FIBCD1: variants seen among roughly 807,000 people sequenced by gnomAD.
FIBCD1 encodes the protein fibrinogen C domain-containing protein 1.
Under a neutral mutation model 45.1 loss-of-function variants are expected in FIBCD1, and 47 were observed. The ratio of observed to expected loss-of-function variants is 1.04; its 90% CI spans 0.82 to 1.33. The LOEUF (loss-of-function observed/expected upper bound fraction) is 1.33. FIBCD1 is among the 40% of genes most tolerant of loss of function. FIBCD1 has a pLI of 0.00. For synonymous variants in FIBCD1, 313 were observed against 308.1 expected (o/e 1.02, Z -0.17); for missense variants, 653 against 682.2 (o/e 0.96, Z 0.48).
Position 130,926,936 on chromosome 9 carries a change from A to T in FIBCD1, c.553-2540T>A, listed in dbSNP as rs1832371851. On this transcript the variant is annotated intron_variant, in intron 2 of 6. Coordinates refer to ENST00000372338, the MANE Select transcript of FIBCD1 (RefSeq NM_032843.5). This position sits in a 1 kb window ranked among gnomAD's most constrained non-coding sequence, Gnocchi z 4.1. ...TAACGCGGAGCCCAGCACATGGTAT[A>T]GGCCTATCACTCCTACCAGAAAAGG... Among the ~76,000 whole-genome samples the T allele has an allele frequency of 6.6e-6, 1 of 152,206 alleles. No individual in the cohort carries two copies. The highest frequency in any genetic ancestry group is 2.1e-4 in the South Asian group (1 of 4,830).
chr9:130,917,707 C>A (rs575680535), intron 4 of FIBCD1, among the ~76,000 whole-genome samples: 3 of 152,306 alleles, frequency 2.0e-5, no homozygotes, highest in Non-Finnish European at 2.9e-5. Context: ...TCTGTGGTCA[C>A]CCTAGCACCC....
chr9:130,910,315 C>G lies in FIBCD1; in HGVS notation c.946+1477G>C, dbSNP rs943120563. Among the ~76,000 whole-genome samples, 97 of 152,214 alleles carry G rather than the reference C, an allele frequency of 6.4e-4. 1 individual carries two copies. The highest frequency in any genetic ancestry group is 4.6e-4 in the Admixed American group (7 of 15,290). ...GGGTCCCCCAGCAGTGCCAGCCCACCGGCGCTGCACTCGATTTCTCACCGG... is the reference window on the plus strand; with the variant it reads ...GGGTCCCCCAGCAGTGCCAGCCCACGGGCGCTGCACTCGATTTCTCACCGG... On this transcript the variant is annotated intron_variant, in intron 5 of 6. Transcript: ENST00000372338.
chr9:130,920,449 T>A (rs1832243255), intron 4 of FIBCD1, among the ~76,000 whole-genome samples: 1 of 151,984 alleles, frequency 6.6e-6, no homozygotes, highest in Non-Finnish European at 1.5e-5. Flanking sequence ...ATTTTACAGA[T>A]GAGAAAAGCG....
In FIBCD1 at chr9:130,926,085, T is replaced by C. The variant is rs574703441; in HGVS notation, c.553-1689A>G. ...GCAGCATCCTGTAGACGAGCTCCAC[T>C]GGGCACGCCCCACAGAGGGACACAG... On this transcript the variant is annotated intron_variant, in intron 2 of 6. Coordinates refer to ENST00000372338, the MANE Select transcript of FIBCD1 (RefSeq NM_032843.5). This position sits in a 1 kb window ranked among gnomAD's most constrained non-coding sequence, Gnocchi z 4.1. Among the ~76,000 whole-genome samples the C allele has an allele frequency of 2.6e-5, 4 of 152,168 alleles. No individual in the cohort carries two copies. The highest frequency in any genetic ancestry group is 4.4e-5 in the Non-Finnish European group (3 of 67,984).
At chr9:130,912,315 A>C (rs1232082215) in intron 4 of FIBCD1, among the ~76,000 whole-genome samples, 1 of 147,824 alleles carries the variant, frequency 6.8e-6, no homozygotes, top group Non-Finnish European at 1.5e-5. Flanking sequence ...CTGAGGCAGA[A>C]GGATCCCTTG....
At chr9:130,939,575 C>T (rs952688085), upstream of FIBCD1, among the ~76,000 whole-genome samples, 5 of 152,030 alleles carry the variant, frequency 3.3e-5, no homozygotes, top group Non-Finnish European at 7.4e-5. Context: ...CCGGGCGGCC[C>T]GTGGGCGAAA....
At chr9:130,928,455 T>C (rs1832391901) in intron 2 of FIBCD1, among the ~76,000 whole-genome samples, 1 of 152,176 alleles carries the variant, frequency 6.6e-6, no homozygotes, top group African/African-American at 2.4e-5. Context: ...CCTGGGGAAG[T>C]TGCACATGGA....
Position 130,938,694 on chromosome 9 carries a change from G to GC in FIBCD1, c.-88_-87insG. Reference sequence around the variant, plus strand: ...GGGGTGGGCGCGGGCGCGGGCGCGGGGCGCGCTCTGTCCGCCGGGTCCCCG... The same window carrying GC: ...GGGGTGGGCGCGGGCGCGGGCGCGGGCGCGCGCTCTGTCCGCCGGGTCCCCG... On this transcript the variant is annotated 5_prime_UTR_variant, in exon 1 of 7. Coordinates refer to ENST00000372338, the MANE Select transcript of FIBCD1 (RefSeq NM_032843.5). 3.4e-6 allele frequency: 3 copies of GC among 872,672 alleles called. No individual in the cohort carries two copies. Among genetic ancestry groups the GC allele is most frequent in the Non-Finnish European group, 4.4e-6 (3 of 683,278 alleles). The allele number at this position is 872,672 out of a possible 1,614,324, so 54.1% of individuals were successfully genotyped here. A position where few individuals can be genotyped will look rare whatever the true frequency, so the allele number is the denominator to read the frequency against.
At chr9:130,911,172 C>A (rs1010433652) in intron 5 of FIBCD1, among the ~76,000 whole-genome samples, 1 of 152,220 alleles carries the variant, frequency 6.6e-6, no homozygotes, top group Admixed American at 6.5e-5. Flanking sequence ...CCGTGAAGGT[C>A]TGCAGTTTCA....
intron 5 of FIBCD1, among the ~76,000 whole-genome samples, chr9:130,906,238 C>A (rs1012106407): frequency 1.3e-5 from 2 of 152,192 alleles, no homozygotes; most frequent in Non-Finnish European, 1.5e-5. Context: ...CATACACATA[C>A]GTGCTCAGAC....
At chr9:130,919,625 G>A (rs7031196) in intron 4 of FIBCD1, among the ~76,000 whole-genome samples, 1 of 152,056 alleles carries the variant, frequency 6.6e-6, no homozygotes, top group Non-Finnish European at 1.5e-5. Flanking sequence ...GAGCTCAGGT[G>A]GGGGGATGTG....
chr9:130,930,023 C>G lies in FIBCD1; in HGVS notation c.96G>C (p.Leu32=). 1 of 1,509,226 alleles carries G rather than the reference C, an allele frequency of 6.6e-7. No homozygotes were observed. Among genetic ancestry groups the G allele is most frequent in the Non-Finnish European group, 8.9e-7 (1 of 1,129,824 alleles). The allele number at this position is 1,509,226 out of a possible 1,614,324, so 93.5% of individuals were successfully genotyped here. The change falls in exon 2 of 7, where the codon CTG becomes CTC. Residue 32 remains leucine (L), a synonymous_variant. Transcript: ENST00000372338. ...CAGCCAGGGCCAGCAGCACGGTGCA[C>G]AGCACGTAGCCGCAGCTCGGCCGCT... ...KPQRPSCGYV[L]CTVLLALAVL... is the part of the protein sequence containing the mutation.
chr9:130,913,870 G>A (rs2133083328), intron 4 of FIBCD1, among the ~76,000 whole-genome samples: 1 of 152,272 alleles, frequency 6.6e-6, no homozygotes, highest in East Asian at 1.9e-4. Flanking sequence ...CCGTCGGCTG[G>A]GCCTCTGCCC....
chr9:130,907,680 A>G (rs927561419), intron 5 of FIBCD1, among the ~76,000 whole-genome samples: 1 of 152,170 alleles, frequency 6.6e-6, no homozygotes, highest in African/African-American at 2.4e-5. Flanking sequence ...CGGGCAGATC[A>G]CGAGGTCAGG....
intron 1 of FIBCD1, 131 bp from the exon 2 acceptor site, chr9:130,930,177 G>T (rs752686418): frequency 1.6e-4 from 188 of 1,162,516 alleles, no homozygotes; most frequent in Non-Finnish European, 2.0e-4. Flanking sequence ...CACAGAGACT[G>T]AGATGAGACA....
upstream of FIBCD1, among the ~76,000 whole-genome samples, chr9:130,939,782 C>T (rs1832588657): frequency 6.6e-6 from 1 of 152,178 alleles, no homozygotes; most frequent in Admixed American, 6.5e-5. Context: ...ACCAGCAGCA[C>T]TTTTAAAAGC....
chr9:130,919,129 G>A (rs1431725945), intron 4 of FIBCD1, among the ~76,000 whole-genome samples: 1 of 152,214 alleles, frequency 6.6e-6, no homozygotes, highest in African/African-American at 2.4e-5. Flanking sequence ...GAGCCACGGC[G>A]GGCGCGGGGC....
intron 4 of FIBCD1, among the ~76,000 whole-genome samples, chr9:130,916,718 AGAGG>A: frequency 6.6e-6 from 1 of 152,386 alleles, no homozygotes; most frequent in Admixed American, 6.5e-5. Context: ...ATGGGAGGAC[AGAGG>A]GAGGAAGTAA....
In FIBCD1 at chr9:130,911,725, A is replaced by G. The variant is rs545620826; in HGVS notation, c.946+67T>C. 7.0e-5 allele frequency: 100 copies of G among 1,429,452 alleles called. No homozygotes were observed. In the African/African-American group the frequency reaches 1.1e-3, roughly 16 times the overall value. The allele number at this position is 1,429,452 out of a possible 1,614,324, so 88.5% of individuals were successfully genotyped here. On this transcript the variant is annotated intron_variant, in intron 5 of 6. Transcript: ENST00000372338. ...CAAACCCATTCAGGGAGCAGCTGGG[A>G]CCCAACTGTGTCCGGAAGGCAGGGG... is the stretch of plus-strand genomic sequence containing the variant.
Sources: allele counts gnomAD v4.1 joint callset (sites outside exome capture counted in the v4.1 genomes callset), GRCh38; gene constraint gnomAD v4.1.1; non-coding constraint Gnocchi (gnomAD v3.1); transcripts MANE v1.5; gene names NCBI Gene and HGNC (gene_info 2026-07-23, HGNC 2026-07-21).